EPSTI1: variants seen among roughly 807,000 people sequenced by gnomAD.
The protein encoded by EPSTI1 is epithelial-stromal interaction protein 1.
EPSTI1 carries 66 observed loss-of-function variants against 49.9 expected under a neutral mutation model. That is an observed-to-expected ratio of 1.32 (90% CI 1.08 to 1.62). The LOEUF (loss-of-function observed/expected upper bound fraction) is 1.62. Among genes scored for constraint, EPSTI1 ranks in the 40% most tolerant of loss-of-function variants. The pLI is 0.00. For synonymous variants in EPSTI1, 137 were observed against 130.7 expected (o/e 1.05, Z -0.33); for missense variants, 394 against 365.5 (o/e 1.08, Z -0.64).
chr13:42,892,955 G>A (rs971660718), intron 10 of EPSTI1, among the ~76,000 whole-genome samples: 2 of 152,186 alleles, frequency 1.3e-5, no homozygotes, highest in African/African-American at 4.8e-5. Flanking sequence ...TTTCAAAGAA[G>A]AGGGAGTGAT....
chr13:42,906,410 C>T lies in EPSTI1; in HGVS notation c.742-6027G>A, dbSNP rs180890777. ...TTTTAAAACCATGTCTGAATCCCAA[C>T]AGAGCATGTTCCGACATGGTTCAGC... On this transcript the variant is annotated intron_variant, in intron 8 of 10. Transcript: ENST00000313624. Among the ~76,000 whole-genome samples, 253 of 152,342 alleles carry T rather than the reference C, an allele frequency of 1.7e-3. 1 individual carries two copies. Among genetic ancestry groups the T allele is most frequent in the African/African-American group, 5.6e-3 (234 of 41,576 alleles).
intron 6 of EPSTI1, among the ~76,000 whole-genome samples, chr13:42,928,161 A>C (rs927526522): frequency 1.4e-4 from 22 of 152,204 alleles, no homozygotes; most frequent in African/African-American, 5.3e-4. Flanking sequence ...CTGCCAGAGG[A>C]ATACAGGTAG....
intron 7 of EPSTI1, among the ~76,000 whole-genome samples, chr13:42,925,291 C>T (rs142979599): frequency 1.8e-4 from 28 of 152,302 alleles, no homozygotes; most frequent in Non-Finnish European, 3.2e-4. Context: ...CTTGAGTTTT[C>T]CCTGTTTAAA....
intron 10 of EPSTI1, 89 bp downstream of exon 10, chr13:42,894,920 G>T: frequency 1.7e-6 from 2 of 1,144,010 alleles, no homozygotes; most frequent in East Asian, 2.6e-5. Flanking sequence ...CGTAATATCT[G>T]GGGAGAAGGC....
intron 9 of EPSTI1, among the ~76,000 whole-genome samples, chr13:42,900,026 A>G (rs2037308474): frequency 6.6e-6 from 1 of 152,200 alleles, no homozygotes; most frequent in South Asian, 2.1e-4. Context: ...CAAATTAAAT[A>G]TACCTTAATT....
Position 42,927,885 on chromosome 13 carries a change from C to T in EPSTI1, c.564-1456G>A, listed in dbSNP as rs540229352. Among the ~76,000 whole-genome samples the T allele has an allele frequency of 1.9e-4, 29 of 152,184 alleles. No individual in the cohort carries two copies. In the South Asian group the frequency reaches 6.0e-3, roughly 32 times the overall value. On this transcript the variant is annotated intron_variant, in intron 6 of 10. Coordinates refer to ENST00000313624, the MANE Select transcript of EPSTI1 (RefSeq NM_033255.5). ...AAAAGTATAAAAAGAAGAGTGATGC[C>T]AGAAGTTTGGATGAGATCTCTGAAT...
chr13:42,930,146 T>C (rs562966092), intron 6 of EPSTI1, among the ~76,000 whole-genome samples: 1 of 152,368 alleles, frequency 6.6e-6, no homozygotes, highest in African/African-American at 2.4e-5. Flanking sequence ...GAATAATTCA[T>C]GTTATACAAC....
At chr13:42,895,146 T>C in intron 9 of EPSTI1, 38 bp from the exon 10 acceptor site, 1 of 1,506,882 alleles carries the variant, frequency 6.6e-7, no homozygotes, top group Non-Finnish European at 9.2e-7. Context: ...GTAGAAAACT[T>C]GCTGCAGGGC....
At position 42,964,099 on chromosome 13, in the gene EPSTI1, T is replaced by C. The variant is rs1292115571; in HGVS notation, c.372A>G (p.Gln124=). The C allele has an allele frequency of 6.2e-7, 1 of 1,613,526 alleles. No individual in the cohort carries two copies. The highest frequency in any genetic ancestry group is 8.5e-7 in the Non-Finnish European group (1 of 1,179,726). Residue 124 remains glutamine, a synonymous_variant, in exon 4 of 11, where the codon CAA becomes CAG. Transcript: ENST00000313624. ...QSETEVRQKQ[Q]LQLMQSKYKQ... ...TGTATTTAGATTGCATCAGCTGGAG[T>C]TGTTGTTTCTGTCTGACTTCAGTTT...
chr13:42,908,952 G>A (rs1207026732), intron 8 of EPSTI1, among the ~76,000 whole-genome samples: 1 of 151,344 alleles, frequency 6.6e-6, no homozygotes, highest in African/African-American at 2.4e-5. Context: ...AAATAGCTGG[G>A]TGTGGTGGTG....
intron 8 of EPSTI1, among the ~76,000 whole-genome samples, chr13:42,915,281 C>G (rs2037797297): frequency 6.6e-6 from 1 of 152,192 alleles, no homozygotes; most frequent in African/African-American, 2.4e-5. Context: ...CCTGTAATCC[C>G]AGCACTTTGG....
At chr13:42,975,295 C>T (rs1247116359) in intron 1 of EPSTI1, among the ~76,000 whole-genome samples, 3 of 152,160 alleles carry the variant, frequency 2.0e-5, no homozygotes, top group Non-Finnish European at 4.4e-5. Context: ...TTACCCTTGA[C>T]CCCTAAGCCT....
In EPSTI1 at chr13:42,895,010, C is replaced by T. The variant is rs1229241718; in HGVS notation, c.914G>A (p.Trp305Ter). The part of the protein sequence containing the change: ...GCWNMNSGNS[W>*]GI Reference sequence around the variant, plus strand: ...TTTAAGAGAAAAGAAAAAACTCACCCAGCTGTTACCGCTATTCATATTCCA... The same window carrying T: ...TTTAAGAGAAAAGAAAAAACTCACCTAGCTGTTACCGCTATTCATATTCCA... Residue 305 changes from tryptophan to a stop codon, truncating the protein, a stop_gained and splice_region_variant, in exon 10 of 11, where the codon TGG becomes TAG. Coordinates refer to ENST00000313624, the MANE Select transcript of EPSTI1 (RefSeq NM_033255.5). LOFTEE classifies it high-confidence loss of function. 5.6e-6 allele frequency: 9 copies of T among 1,606,284 alleles called. No homozygotes were observed. Among genetic ancestry groups the T allele is most frequent in the Non-Finnish European group, 7.6e-6 (9 of 1,176,834 alleles).
intron 6 of EPSTI1, among the ~76,000 whole-genome samples, chr13:42,948,263 GC>G (rs1395630114): frequency 1.3e-5 from 2 of 152,212 alleles, no homozygotes. Context: ...CTGCATCAAG[GC>G]CTGGGCCCTG....
intron 5 of EPSTI1, among the ~76,000 whole-genome samples, chr13:42,955,879 G>T (rs866639879): frequency 0.23 from 24,532 of 106,120 alleles, 2,705 homozygotes; most frequent in South Asian, 0.33. Context: ...GAAGTATTTG[G>T]GGGGGGGGGG....
At chr13:42,991,738 C>T (rs2040197359) in intron 1 of EPSTI1, among the ~76,000 whole-genome samples, 1 of 152,220 alleles carries the variant, frequency 6.6e-6, no homozygotes, top group Non-Finnish European at 1.5e-5. Context: ...TCACAAAAAT[C>T]AGGAAAGTAG....
chr13:42,903,721 C>CT (rs2037424231), intron 8 of EPSTI1, among the ~76,000 whole-genome samples: 1 of 152,168 alleles, frequency 6.6e-6, no homozygotes. Context: ...AAGATCAAAA[C>CT]TAGACCCTTA....
In EPSTI1 at chr13:42,922,521, C is replaced by A. The variant is rs2038039539; in HGVS notation, c.657+3815G>T. Among the ~76,000 whole-genome samples, 1 of 152,150 alleles carries A rather than the reference C, an allele frequency of 6.6e-6. No homozygotes were observed. The highest frequency in any genetic ancestry group is 6.5e-5 in the Admixed American group (1 of 15,282). Reference sequence around the variant, plus strand: ...TGCCCCCCGGAAGCTTCAAAAGGAACCATTCCTGTTGATACCCTCATTTTA... The same window carrying A: ...TGCCCCCCGGAAGCTTCAAAAGGAAACATTCCTGTTGATACCCTCATTTTA... On this transcript the variant is annotated intron_variant, in intron 7 of 10. Transcript: ENST00000313624. This position sits in a 1 kb window ranked among gnomAD's most constrained non-coding sequence, Gnocchi z 4.8.
intron 1 of EPSTI1, 123 bp from the exon 2 acceptor site, chr13:42,970,793 A>G: frequency 4.2e-6 from 3 of 720,428 alleles, no homozygotes; most frequent in Non-Finnish European, 4.5e-6. Flanking sequence ...AGGCACTATG[A>G]AAGATAATCT....
Sources: gnomAD v4.1 joint callset for allele counts (sites outside exome capture counted in the v4.1 genomes callset) on GRCh38, gnomAD v4.1.1 for gene constraint, Gnocchi (gnomAD v3.1) non-coding constraint, MANE v1.5 for transcripts, NCBI Gene and HGNC (gene_info 2026-07-23, HGNC 2026-07-21) for gene names.